The following GPBP1 variants were observed in gnomAD, a reference collection of about 807,000 sequenced individuals.
GPBP1 encodes vasculin.
A neutral mutation model predicts 56.5 loss-of-function variants in GPBP1; 13 were observed. The observed-to-expected ratio is 0.23, with a 90% CI of 0.15 to 0.37. GPBP1 has a LOEUF of 0.37. GPBP1 is among the 10% of genes least tolerant of loss of function. GPBP1 has a pLI of 1.00. For missense variants in GPBP1, 477 were observed against 572.3 expected (o/e 0.83, Z 1.70); for synonymous variants, 204 against 188.9 (o/e 1.08, Z -0.66).
rs1029323002 is a variant in GPBP1, at chr5:57,263,027, C to T, written c.*275C>T. ...AACATTTCTCTGACTAGCAATGTGACGATGTAACAAATGAGATTTTCTCAT... is the reference window on the plus strand; with the variant it reads ...AACATTTCTCTGACTAGCAATGTGATGATGTAACAAATGAGATTTTCTCAT... On this transcript the variant is annotated 3_prime_UTR_variant, in exon 12 of 12. Transcript: ENST00000506184. 1.1e-5 allele frequency: 3 copies of T among 266,630 alleles called. No individual in the cohort carries two copies. Among genetic ancestry groups the T allele is most frequent in the African/African-American group, 4.4e-5 (2 of 45,276 alleles). 16.5% of individuals were successfully genotyped at this position (266,630 alleles called of 1,614,324 possible).
At chr5:57,261,704 A>T (rs148730631) in intron 11 of GPBP1, among the ~76,000 whole-genome samples, 1 of 152,150 alleles carries the variant, frequency 6.6e-6, no homozygotes, top group Admixed American at 6.5e-5. Context: ...AGCAAGAGTG[A>T]TAAGAAGTAG....
intron 2 of GPBP1, among the ~76,000 whole-genome samples, chr5:57,213,548 G>A (rs759556272): frequency 3.3e-5 from 5 of 150,936 alleles, no homozygotes; most frequent in East Asian, 1.9e-4. Context: ...ACTATTTGTC[G>A]TAGAAACCAG....
chr5:57,206,781 G>GTT (rs1338954528), intron 2 of GPBP1, among the ~76,000 whole-genome samples: 6 of 152,096 alleles, frequency 3.9e-5, no homozygotes, highest in African/African-American at 7.2e-5. Flanking sequence ...TAGCACTCTT[G>GTT]TTGAAAATAA....
At chr5:57,189,184 A>G (rs1410393328) in intron 2 of GPBP1, among the ~76,000 whole-genome samples, 3 of 152,074 alleles carry the variant, frequency 2.0e-5, no homozygotes, top group Non-Finnish European at 4.4e-5. Context: ...TATTGCCACT[A>G]TCTCAGTTCA....
intron 3 of GPBP1, among the ~76,000 whole-genome samples, chr5:57,220,575 T>G (rs529141914): frequency 3.4e-4 from 52 of 151,882 alleles, no homozygotes; most frequent in African/African-American, 1.3e-3. Flanking sequence ...TTCTCCTGCC[T>G]CAGCCTCCTG....
chr5:57,236,167 G>A, intron 6 of GPBP1, 135 bp downstream of exon 6: 1 of 610,734 alleles, frequency 1.6e-6, no homozygotes, highest in East Asian at 2.8e-5. Context: ...GATGTGCTTA[G>A]CTACAAAAAA....
intron 2 of GPBP1, among the ~76,000 whole-genome samples, chr5:57,185,258 C>CTTTTTTTTT (rs747214276): frequency 4.7e-5 from 6 of 128,668 alleles, no homozygotes; most frequent in African/African-American, 1.7e-4. Context: ...TTGGTTAGGT[C>CTTTTTTTTT]TTTTTTTTTT....
intron 2 of GPBP1, among the ~76,000 whole-genome samples, chr5:57,191,951 T>C (rs1457288715): frequency 1.3e-5 from 2 of 152,246 alleles, no homozygotes; most frequent in Non-Finnish European, 2.9e-5. Context: ...TCATTTGTAG[T>C]GTGTCTTTGA....
intron 2 of GPBP1, among the ~76,000 whole-genome samples, chr5:57,199,387 A>T (rs1579995175): frequency 1.3e-5 from 2 of 152,142 alleles, no homozygotes; most frequent in South Asian, 4.1e-4. Flanking sequence ...GATGAGACTG[A>T]GGAGGAGCAG....
chr5:57,198,891 A>T (rs1464707166), intron 2 of GPBP1, among the ~76,000 whole-genome samples: 1 of 152,120 alleles, frequency 6.6e-6, no homozygotes, highest in Non-Finnish European at 1.5e-5. Flanking sequence ...TTTTCCAGTT[A>T]TGAATATATT....
chr5:57,250,851 A>G (rs975299366), intron 9 of GPBP1, 103 bp from the exon 10 acceptor site: 5 of 796,596 alleles, frequency 6.3e-6, no homozygotes, highest in Non-Finnish European at 9.6e-6. Flanking sequence ...GGCCGCATTT[A>G]TGTATTTTCA....
At chr5:57,259,135 A>G (rs531692836) in intron 10 of GPBP1, among the ~76,000 whole-genome samples, 19 of 152,372 alleles carry the variant, frequency 1.2e-4, no homozygotes, top group African/African-American at 4.3e-4. Context: ...GAAATGATTA[A>G]TGCTGACTGT....
At chr5:57,251,986 C>T (rs6859303) in intron 10 of GPBP1, among the ~76,000 whole-genome samples, 96,245 of 152,056 alleles carry the variant, frequency 0.63, 31,082 homozygotes, top group East Asian at 0.98. Context: ...ATAAATACTT[C>T]GCTCATTTAA....
intron 3 of GPBP1, among the ~76,000 whole-genome samples, chr5:57,217,598 A>G (rs534497952): frequency 1.3e-5 from 2 of 152,144 alleles, no homozygotes; most frequent in Non-Finnish European, 2.9e-5. Context: ...AAACACAAAA[A>G]AACACAACTA....
At chr5:57,195,026 G>A (rs1754685755) in intron 2 of GPBP1, among the ~76,000 whole-genome samples, 1 of 151,840 alleles carries the variant, frequency 6.6e-6, no homozygotes, top group East Asian at 1.9e-4. Context: ...CCAGCAGTGG[G>A]CTTGCTGGAT....
chr5:57,212,649 CTT>C (rs1755536261), intron 2 of GPBP1, among the ~76,000 whole-genome samples: 1 of 150,522 alleles, frequency 6.6e-6, no homozygotes, highest in South Asian at 2.1e-4. Context: ...TACTCTTAAC[CTT>C]TCTTTTCTTT....
chr5:57,254,332 C>G (rs1741540904), intron 10 of GPBP1, among the ~76,000 whole-genome samples: 2 of 152,080 alleles, frequency 1.3e-5, no homozygotes, highest in African/African-American at 4.8e-5. Context: ...TTTTGTTTCC[C>G]TTCTCCAAAT....
At chr5:57,249,314 T>C in intron 8 of GPBP1, 95 bp from the exon 9 acceptor site, 1 of 919,506 alleles carries the variant, frequency 1.1e-6, no homozygotes, top group Non-Finnish European at 1.6e-6. Context: ...ATTTTGTGAG[T>C]AAAGGTAAAA....
chr5:57,251,165 GCTCAGCATTTTCTGTA>G, intron 10 of GPBP1, 24 bp downstream of exon 10: 1 of 1,546,304 alleles, frequency 6.5e-7, no homozygotes, highest in Non-Finnish European at 8.7e-7. Context: ...TGTACTTTTT[GCTCAGCATTTTCTGTA>G]TTCGAGATTT....
Sources: gnomAD v4.1 joint callset for allele counts (sites outside exome capture counted in the v4.1 genomes callset) on GRCh38, gnomAD v4.1.1 for gene constraint, MANE v1.5 for transcripts, NCBI Gene and HGNC (gene_info 2026-07-23, HGNC 2026-07-21) for gene names.